CWF19L1: variants seen among roughly 807,000 people sequenced by gnomAD.
The protein encoded by CWF19L1 is CWF19-like protein 1.
In CWF19L1, 60 loss-of-function variants were observed where a neutral mutation model predicts 69.7. The observed-to-expected ratio is 0.86, with a 90% confidence interval of 0.70 to 1.07. CWF19L1 has a LOEUF of 1.07. Among genes scored for constraint, CWF19L1 ranks in the 50% least tolerant of loss-of-function variants. The pLI is 0.00. For synonymous variants in CWF19L1, 209 were observed against 222.2 expected, an observed-to-expected ratio of 0.94 and a Z score of 0.53; for missense variants, 591 against 638.9, an observed-to-expected ratio of 0.92 and a Z score of 0.81.
At chr10:100,260,569 G>A (rs1211124104) in intron 3 of CWF19L1, among the ~76,000 whole-genome samples, 2 of 151,594 alleles carry the variant, frequency 1.3e-5, no homozygotes, top group Non-Finnish European at 2.9e-5. Context: ...GTCGCCCAGG[G>A]TGAAGTGCAG....
At chr10:100,253,807 AAATT>A (rs2134307945) in intron 5 of CWF19L1, 1 of 347,004 alleles carries the variant, frequency 2.9e-6, no homozygotes, top group Non-Finnish European at 5.2e-6. Context: ...CCCAAAACAC[AAATT>A]ATTAAAACCT....
intron 1 of CWF19L1, among the ~76,000 whole-genome samples, chr10:100,263,810 T>C (rs965136741): frequency 5.3e-5 from 8 of 152,246 alleles, no homozygotes; most frequent in Non-Finnish European, 1.2e-4. Flanking sequence ...CCTGAATCCC[T>C]AAACTATTCC....
chr10:100,260,231 G>A lies in CWF19L1; in HGVS notation c.276C>T (p.Asn92=). Residue 92 remains asparagine, a synonymous_variant, in exon 4 of 14, where the codon AAC becomes AAT. Coordinates refer to ENST00000354105, the MANE Select transcript of CWF19L1 (RefSeq NM_018294.6). The part of the protein sequence containing the change: ...QDADGCELAE[N]ITYLGRKGIF... Reference sequence around the variant, plus strand: ...GTATCAGCTTACCCAGATAAGTAATGTTTTCAGCTAATTCACATCCATCAG... The same window carrying A: ...GTATCAGCTTACCCAGATAAGTAATATTTTCAGCTAATTCACATCCATCAG... 6.2e-7 allele frequency: 1 copy of A among 1,601,204 alleles called. No homozygotes were observed. The highest frequency in any genetic ancestry group is 8.5e-7 in the Non-Finnish European group (1 of 1,170,508).
chr10:100,248,782 G>A (rs1015235405), intron 7 of CWF19L1: 50 of 1,422,900 alleles, frequency 3.5e-5, no homozygotes, highest in South Asian at 2.4e-4. Flanking sequence ...TCTGACCTTC[G>A]GGAAGGAGTT....
At chr10:100,239,093 A>G (rs1051908788) in intron 10 of CWF19L1, among the ~76,000 whole-genome samples, 1 of 151,974 alleles carries the variant, frequency 6.6e-6, no homozygotes, top group African/African-American at 2.4e-5. Context: ...AAATTCTACA[A>G]AACAAAAGCA....
Position 100,246,951 on chromosome 10 carries a change from A to G in CWF19L1, c.709-16T>C. On this transcript the variant is annotated splice_polypyrimidine_tract_variant and intron_variant, in intron 7 of 13. Transcript: ENST00000354105. ...CGTAAAGATACTTTAGAGAAAAAGA[A>G]CATAATGACATTAGGGGAAATACTA... is the stretch of plus-strand genomic sequence containing the variant. 6.3e-7 allele frequency: 1 copy of G among 1,590,528 alleles called. No homozygotes were observed. The highest frequency in any genetic ancestry group is 8.6e-7 in the Non-Finnish European group (1 of 1,163,618).
In CWF19L1 at chr10:100,246,952, C is replaced by G; in HGVS notation, c.709-17G>C. 1 of 1,588,528 alleles carries G rather than the reference C, an allele frequency of 6.3e-7. No homozygotes were observed. Among genetic ancestry groups the G allele is most frequent in the Non-Finnish European group, 8.6e-7 (1 of 1,162,422 alleles). On this transcript the variant is annotated splice_polypyrimidine_tract_variant and intron_variant, in intron 7 of 13. Coordinates refer to ENST00000354105, the MANE Select transcript of CWF19L1 (RefSeq NM_018294.6). ...GTAAAGATACTTTAGAGAAAAAGAA[C>G]ATAATGACATTAGGGGAAATACTAT...
intron 1 of CWF19L1, 131 bp downstream of exon 1, chr10:100,267,440 C>G: frequency 1.3e-6 from 2 of 1,578,908 alleles, no homozygotes; most frequent in Non-Finnish European, 1.7e-6. Flanking sequence ...ATCACCTAAG[C>G]TCCCCAGCAG....
intron 12 of CWF19L1, among the ~76,000 whole-genome samples, chr10:100,236,636 G>A (rs1174396685): frequency 1.3e-5 from 2 of 152,160 alleles, no homozygotes; most frequent in Non-Finnish European, 2.9e-5. Context: ...CAGGTATGGT[G>A]GCGCATGCCT....
At chr10:100,249,019 G>T in intron 7 of CWF19L1, 1 of 620,182 alleles carries the variant, frequency 1.6e-6, no homozygotes, top group South Asian at 1.7e-5. Flanking sequence ...CTTATACTCT[G>T]GGAACATCAG....
At chr10:100,254,533 T>G (rs1297956772) in intron 5 of CWF19L1, 2 of 152,208 alleles carry the variant, frequency 1.3e-5, no homozygotes, top group African/African-American at 2.4e-5. Context: ...TAACAAAGTT[T>G]GTTTTCCACT....
chr10:100,247,939 G>A (rs908666908), intron 7 of CWF19L1, among the ~76,000 whole-genome samples: 1 of 151,672 alleles, frequency 6.6e-6, no homozygotes, highest in Admixed American at 6.6e-5. Context: ...TGAGAAATAT[G>A]GAGGGGGAAA....
chr10:100,236,810 A>G (rs760809394), intron 12 of CWF19L1, 40 bp downstream of exon 12: 3 of 1,546,966 alleles, frequency 1.9e-6, no homozygotes, highest in East Asian at 2.3e-5. Flanking sequence ...AAAAAAACAG[A>G]TATTTACTCT....
At chr10:100,267,098 T>C (rs1011878119) in intron 1 of CWF19L1, among the ~76,000 whole-genome samples, 1 of 145,934 alleles carries the variant, frequency 6.9e-6, no homozygotes, top group African/African-American at 2.6e-5. Context: ...CAATAAATAC[T>C]TGCTGCATGA....
chr10:100,237,444 C>T, intron 11 of CWF19L1: 1 of 356,076 alleles, frequency 2.8e-6, no homozygotes, highest in Non-Finnish European at 5.6e-6. Context: ...GCAAGCCCCA[C>T]ATCTTCCTTG....
rs1014876068 is a variant in CWF19L1 at position 100,243,720 on chromosome 10, A to G, written c.1022T>C (p.Leu341Ser). The G allele has an allele frequency of 2.5e-6, 4 of 1,614,096 alleles. No individual in the cohort carries two copies. In the African/African-American group the frequency reaches 5.3e-5, roughly 22 times the overall value. ...CACATGTGTGCCGATGTTGACCACC[A>G]AATGTTTTTCCACTTCAGGGCTAGC... ...CLASPEVEKH[L>S]VVNIGTHCYL... is the part of the protein sequence containing the mutation. Residue 341 changes from leucine to serine, a missense_variant, in exon 10 of 14, where the codon TTG becomes TCG. Around this residue, in one of 3 missense-constraint regions of CWF19L1, gnomAD observed 458 missense variants for 489.3 expected, o/e 0.94. Transcript: ENST00000354105.
In CWF19L1 at chr10:100,260,162, C is replaced by T. The variant is rs565057507; in HGVS notation, c.289+56G>A. ...CAGCCTGGGTGACAGAGCAAGACTC[C>T]GTCTCAAAAACAAAAAACAAAAAAC... On this transcript the variant is annotated intron_variant, in intron 4 of 13. Transcript: ENST00000354105. The T allele has an allele frequency of 1.6e-3, 1,857 of 1,160,750 alleles. 6 individuals carry two copies. Among genetic ancestry groups the T allele is most frequent in the Non-Finnish European group, 2.1e-3 (1,638 of 793,716 alleles). 71.9% of individuals were successfully genotyped at this position (1,160,750 alleles called of 1,614,324 possible).
In CWF19L1 at chr10:100,239,827, G is replaced by C. The variant is rs77706111; in HGVS notation, c.1045-1596C>G. Among the ~76,000 whole-genome samples the C allele has an allele frequency of 5.0e-3, 756 of 152,248 alleles. 18 individuals carry two copies. The East Asian group carries it at 0.059, about 12-fold the overall frequency. ...AGAGAGGACTGAGCATATTGACAAA[G>C]TTAATTTTCCAGATGACTAAAGTTG... On this transcript the variant is annotated intron_variant, in intron 10 of 13. Coordinates refer to ENST00000354105, the MANE Select transcript of CWF19L1 (RefSeq NM_018294.6).
rs558778131 is a variant in CWF19L1, at chr10:100,238,270, C to T, written c.1045-39G>A. ...ACACAGAATTGAGACATCAATACAG[C>T]ATGTAGGATTCTCCAGGGAGAAAAA... On this transcript the variant is annotated intron_variant, in intron 10 of 13. Coordinates refer to ENST00000354105, the MANE Select transcript of CWF19L1 (RefSeq NM_018294.6). 3 of 1,579,104 alleles carry T rather than the reference C, an allele frequency of 1.9e-6. No homozygotes were observed. In the East Asian group the frequency reaches 6.7e-5, roughly 35 times the overall value.
Sources: gnomAD v4.1 joint callset for allele counts (sites outside exome capture counted in the v4.1 genomes callset) on GRCh38, gnomAD v4.1.1 for gene constraint, gnomAD v4.1.1 regional missense constraint, MANE v1.5 for transcripts, NCBI Gene and HGNC (gene_info 2026-07-23, HGNC 2026-07-21) for gene names.